Variants in HSDL1 observed in about 807,000 individuals in gnomAD.
The protein encoded by HSDL1 is hydroxysteroid dehydrogenase like 1.
Under a neutral mutation model 31.5 loss-of-function variants are expected in HSDL1, and 29 were observed. The ratio of observed to expected loss-of-function variants is 0.92; its 90% confidence interval spans 0.69 to 1.26. The LOEUF is 1.26. Ranked by LOEUF, HSDL1 falls within the 50% of genes most tolerant of loss-of-function variation. HSDL1 has a pLI of 0.00. For synonymous variants in HSDL1, 222 were observed against 155.2 expected, an observed-to-expected ratio of 1.43 and a Z score of -3.20; for missense variants, 503 against 416.6, an observed-to-expected ratio of 1.21 and a Z score of -1.81.
At chr16:84,141,758 G>A (rs2086771380) in intron 1 of HSDL1, among the ~76,000 whole-genome samples, 1 of 152,184 alleles carries the variant, frequency 6.6e-6, no homozygotes, top group Admixed American at 6.5e-5. Context: ...TAAGGCTGCA[G>A]TCCTTTTTAT....
intron 1 of HSDL1, among the ~76,000 whole-genome samples, chr16:84,141,766 T>A (rs1269742125): frequency 1.3e-5 from 2 of 152,228 alleles, no homozygotes; most frequent in Non-Finnish European, 2.9e-5. Context: ...CAGTCCTTTT[T>A]ATATGTATGT....
chr16:84,140,968 G>C (rs2086762500), intron 1 of HSDL1, among the ~76,000 whole-genome samples: 1 of 151,760 alleles, frequency 6.6e-6, no homozygotes, highest in South Asian at 2.1e-4. Context: ...GTGGGCGCCT[G>C]TAGTCCCAGC....
chr16:84,138,378 G>A (rs991665882), intron 1 of HSDL1, among the ~76,000 whole-genome samples: 1 of 152,170 alleles, frequency 6.6e-6, no homozygotes, highest in African/African-American at 2.4e-5. Context: ...AAATGCATAC[G>A]TCTGGAGAGC....
Position 84,128,734 on chromosome 16 carries a change from G to C in HSDL1, c.894+814C>G, listed in dbSNP as rs115130070. 9.5e-3 allele frequency among the ~76,000 whole-genome samples: 1,422 copies of C among 150,282 alleles called. 23 individuals carry two copies. The highest frequency in any genetic ancestry group is 0.033 in the African/African-American group (1,350 of 40,756). Reference sequence around the variant, plus strand: ...TTCTTTTTTTTTTTTTGGAAACAGAGCCTTGCTCTGTCGCCTAGGCTGGAG... The same window carrying C: ...TTCTTTTTTTTTTTTTGGAAACAGACCCTTGCTCTGTCGCCTAGGCTGGAG... On this transcript the variant is annotated intron_variant, in intron 5 of 5. Coordinates refer to ENST00000219439, the MANE Select transcript of HSDL1 (RefSeq NM_031463.5).
intron 1 of HSDL1, among the ~76,000 whole-genome samples, chr16:84,142,325 A>G (rs997096989): frequency 2.0e-5 from 3 of 149,944 alleles, no homozygotes; most frequent in African/African-American, 7.4e-5. Flanking sequence ...TCATGAAGAA[A>G]TTTTTTCGAA....
At chr16:84,125,529 GATCAATCACAACAAATACCCACCA>G (rs922348352) in intron 5 of HSDL1, among the ~76,000 whole-genome samples, 21 of 123,254 alleles carry the variant, frequency 1.7e-4, no homozygotes, top group Non-Finnish European at 2.6e-4. Context: ...AATACCCACC[GATCAATCACAACAAATACCCACCA>G]ATCAATCACA....
chr16:84,130,242 C>A lies in HSDL1; in HGVS notation c.410G>T (p.Arg137Leu). 2 of 1,614,202 alleles carry A rather than the reference C, an allele frequency of 1.2e-6. No individual in the cohort carries two copies. The highest frequency in any genetic ancestry group is 2.2e-5 in the South Asian group (2 of 91,082). The stretch of plus-strand genomic sequence containing the variant: ...AACGTCTTTGTCCTTCAGGGCTTCT[C>A]GAATTGGAAGGTAGATCTCACGACC... Reference protein sequence around the residue: ...SSGREIYLPIREALKDKDVGI... With the variant: ...SSGREIYLPILEALKDKDVGI... Residue 137 changes from arginine to leucine, a missense_variant, in exon 4 of 6, where the codon CGA becomes CTA. Physicochemically the swap from Arg to Leu is moderately radical, Grantham distance 102. Transcript: ENST00000219439.
At chr16:84,132,581 T>C (rs1212362772) in intron 2 of HSDL1, among the ~76,000 whole-genome samples, 1 of 152,232 alleles carries the variant, frequency 6.6e-6, no homozygotes, top group East Asian at 1.9e-4. Context: ...CTATGTTCTA[T>C]GTACTGTGAT....
intron 2 of HSDL1, among the ~76,000 whole-genome samples, chr16:84,133,561 C>A (rs1204801915): frequency 6.6e-6 from 1 of 152,136 alleles, no homozygotes. Context: ...GAAACCTCGT[C>A]TCTATTAAAA....
At chr16:84,139,041 C>T (rs912751482) in intron 1 of HSDL1, among the ~76,000 whole-genome samples, 2 of 152,102 alleles carry the variant, frequency 1.3e-5, no homozygotes, top group South Asian at 2.1e-4. Context: ...TATCCAAATG[C>T]GTGTGACGTG....
At chr16:84,131,948 T>C (rs2086673668) in intron 2 of HSDL1, among the ~76,000 whole-genome samples, 1 of 152,224 alleles carries the variant, frequency 6.6e-6, no homozygotes, top group Admixed American at 6.5e-5. Context: ...CCCAAAGTGC[T>C]GGGATTACAG....
At position 84,124,639 on chromosome 16, in the gene HSDL1, G is replaced by A. The variant is rs373524712; in HGVS notation, c.984C>T (p.Cys328=). 168 of 1,610,294 alleles carry A rather than the reference G, an allele frequency of 1.0e-4. No homozygotes were observed. Among genetic ancestry groups the A allele is most frequent in the Admixed American group, 1.7e-5 (1 of 60,008 alleles). ...AAGTGGCCATCCAGACTCAGGCTGT[G>A]CAGGATAAGGCTTCCTTACGTAGTG... The part of the protein sequence containing the change: ...NRSLRKEALS[C]TA Residue 328 remains cysteine, a synonymous_variant, in exon 6 of 6, where the codon TGC becomes TGT. Coordinates refer to ENST00000219439, the MANE Select transcript of HSDL1 (RefSeq NM_031463.5).
chr16:84,135,771 G>A (rs1237007510), intron 1 of HSDL1, among the ~76,000 whole-genome samples, 166 bp from the exon 2 acceptor site: 1 of 152,234 alleles, frequency 6.6e-6, no homozygotes, highest in Admixed American at 6.5e-5. Context: ...TAGGCACCAA[G>A]TACCCTCCTC....
chr16:84,135,989 C>A (rs1450900877), intron 1 of HSDL1, among the ~76,000 whole-genome samples: 1 of 152,250 alleles, frequency 6.6e-6, no homozygotes, highest in Non-Finnish European at 1.5e-5. Context: ...CCACAGCTGT[C>A]CTCGGTGCCT....
At chr16:84,127,161 A>G (rs2086616454) in intron 5 of HSDL1, among the ~76,000 whole-genome samples, 1 of 151,200 alleles carries the variant, frequency 6.6e-6, no homozygotes, top group Admixed American at 6.6e-5. Context: ...TGCTTTTCTC[A>G]AGTAATTAAA....
chr16:84,133,331 C>G (rs2086685166), intron 2 of HSDL1, among the ~76,000 whole-genome samples: 1 of 152,134 alleles, frequency 6.6e-6, no homozygotes, highest in Non-Finnish European at 1.5e-5. Flanking sequence ...CCTAAATGCC[C>G]TACGATAAGG....
At chr16:84,139,170 A>G (rs1281315232) in intron 1 of HSDL1, 1 of 152,266 alleles carries the variant, frequency 6.6e-6, no homozygotes, top group Non-Finnish European at 1.5e-5. Context: ...GGGCACAGTA[A>G]TGGCCTCCAG....
chr16:84,137,945 G>C (rs1389964049), intron 1 of HSDL1, among the ~76,000 whole-genome samples: 1 of 152,148 alleles, frequency 6.6e-6, no homozygotes. Flanking sequence ...CTATTAACCT[G>C]TGCTACGGTC....
intron 4 of HSDL1, 39 bp from the exon 5 acceptor site, chr16:84,129,814 G>A (rs747485421): frequency 1.3e-6 from 2 of 1,535,716 alleles, no homozygotes; most frequent in Non-Finnish European, 1.8e-6. Context: ...TTTAATTCTG[G>A]GTGAACTTGA....
Sources: gnomAD v4.1 joint callset for allele counts (sites outside exome capture counted in the v4.1 genomes callset) on GRCh38, gnomAD v4.1.1 for gene constraint, MANE v1.5 for transcripts, NCBI Gene and HGNC (gene_info 2026-07-23, HGNC 2026-07-21) for gene names.